Variants in RYR2 observed in about 807,000 individuals in gnomAD.
RYR2 encodes the protein ryanodine receptor 2.
In RYR2, 227 loss-of-function variants were observed where a neutral mutation model predicts 601.1. The ratio of observed to expected loss-of-function variants is 0.38; its 90% confidence interval spans 0.34 to 0.42. RYR2 has a LOEUF of 0.42. Ranked by LOEUF, RYR2 falls within the 10% of genes least tolerant of loss-of-function variation. The probability of loss-of-function intolerance (pLI) is 1.00; values close to 1 mark genes in which losing one functional copy is unlikely to be tolerated. For synonymous variants in RYR2, 2,223 were observed against 2,175.1 expected (o/e 1.02, Z -0.61); for missense variants, 4,646 against 6,156.5 (o/e 0.75, Z 8.21).
At chr1:237,121,301 A>G (rs1169779630) in intron 1 of RYR2, among the ~76,000 whole-genome samples, 1 of 152,158 alleles carries the variant, frequency 6.6e-6, no homozygotes, top group Non-Finnish European at 1.5e-5. Flanking sequence ...GAAAGGAAGA[A>G]AGCAAGTGTT....
At chr1:237,395,788 C>T (rs1468717227) in intron 10 of RYR2, among the ~76,000 whole-genome samples, 2 of 152,064 alleles carry the variant, frequency 1.3e-5, no homozygotes, top group Non-Finnish European at 2.9e-5. Flanking sequence ...ACTCGTGATG[C>T]GCCCTCCTCG....
At chr1:237,156,185 C>G (rs564968975) in intron 1 of RYR2, among the ~76,000 whole-genome samples, 2 of 152,284 alleles carry the variant, frequency 1.3e-5, no homozygotes, top group African/African-American at 4.8e-5. Context: ...CCGTGGGACC[C>G]CACCCAGGTG....
At chr1:237,698,465 G>A (rs1482944436) in intron 63 of RYR2, among the ~76,000 whole-genome samples, 1 of 151,854 alleles carries the variant, frequency 6.6e-6, no homozygotes, top group African/African-American at 2.4e-5. Flanking sequence ...AACATTCAAG[G>A]AAATTAATTT....
chr1:237,270,378 T>C (rs1689558749), intron 1 of RYR2, 119 bp from the exon 2 acceptor site: 1 of 1,407,532 alleles, frequency 7.1e-7, no homozygotes, highest in Admixed American at 2.0e-5. Context: ...TGACAGTAGT[T>C]TTTACATTCG....
intron 12 of RYR2, among the ~76,000 whole-genome samples, chr1:237,439,417 G>T (rs111899591): frequency 6.6e-6 from 1 of 152,260 alleles, no homozygotes; most frequent in African/African-American, 2.4e-5. Context: ...GGCCGAGGTG[G>T]GTGGATCACC....
intron 25 of RYR2, among the ~76,000 whole-genome samples, chr1:237,542,948 C>G (rs1255852949): frequency 6.6e-6 from 1 of 152,188 alleles, no homozygotes; most frequent in African/African-American, 2.4e-5. Context: ...CCTCCTCTGA[C>G]TCTCCCCTCC....
chr1:237,145,446 C>G (rs1413781095), intron 1 of RYR2, among the ~76,000 whole-genome samples: 1 of 152,164 alleles, frequency 6.6e-6, no homozygotes, highest in Non-Finnish European at 1.5e-5. Context: ...GAGGAACATG[C>G]TTCTTTGAAC....
At chr1:237,516,062 TC>T (rs1553481494) in intron 24 of RYR2, among the ~76,000 whole-genome samples, 1 of 151,828 alleles carries the variant, frequency 6.6e-6, no homozygotes, top group Non-Finnish European at 1.5e-5. Context: ...CTCCTCCTCT[TC>T]TTTTTTCTCT....
intron 21 of RYR2, among the ~76,000 whole-genome samples, chr1:237,502,132 T>A (rs1224273286): frequency 1.3e-5 from 2 of 152,132 alleles, no homozygotes; most frequent in African/African-American, 4.8e-5. Context: ...CACCCCTGCC[T>A]GAACAACAGA....
intron 14 of RYR2, among the ~76,000 whole-genome samples, chr1:237,447,395 TTAGA>T (rs1433293333): frequency 6.6e-6 from 1 of 152,222 alleles, no homozygotes; most frequent in Non-Finnish European, 1.5e-5. Flanking sequence ...ACTTTTCTGA[TTAGA>T]TAGAGTACCA....
At chr1:237,249,056 C>T (rs970104473) in intron 1 of RYR2, among the ~76,000 whole-genome samples, 14 of 152,052 alleles carry the variant, frequency 9.2e-5, no homozygotes, top group Non-Finnish European at 8.8e-5. Context: ...TGAGCCATTG[C>T]GCCCGGCCGA....
At chr1:237,732,187 C>T in intron 78 of RYR2, 38 bp downstream of exon 78, 3 of 1,194,804 alleles carry the variant, frequency 2.5e-6, no homozygotes, top group Non-Finnish European at 3.7e-6. Context: ...ATAGGAGGAG[C>T]AAATAAAGAC....
intron 1 of RYR2, among the ~76,000 whole-genome samples, chr1:237,241,810 A>T (rs1686199192): frequency 6.6e-6 from 1 of 152,110 alleles, no homozygotes; most frequent in Non-Finnish European, 1.5e-5. Context: ...GGCCTTTGTA[A>T]ACTGTCATGG....
At chr1:237,187,551 C>A (rs1289237815) in intron 1 of RYR2, among the ~76,000 whole-genome samples, 3 of 149,540 alleles carry the variant, frequency 2.0e-5, no homozygotes, top group Non-Finnish European at 4.4e-5. Flanking sequence ...TCAAGCAATC[C>A]TCCCACCTCA....
intron 32 of RYR2, 113 bp downstream of exon 32, chr1:237,591,966 G>C: frequency 1.2e-6 from 1 of 822,802 alleles, no homozygotes; most frequent in Middle Eastern, 2.4e-4. Flanking sequence ...TAAAATGTCT[G>C]TTTCTGTTTT....
At chr1:237,463,936 T>C (rs1659763304) in intron 16 of RYR2, among the ~76,000 whole-genome samples, 1 of 152,212 alleles carries the variant, frequency 6.6e-6, no homozygotes, top group Non-Finnish European at 1.5e-5. Flanking sequence ...AATTAATACA[T>C]TTTAGATAAG....
rs1406698070 is a variant in RYR2, at chr1:237,269,338, C to T, written c.49-1159C>T. Reference sequence around the variant, plus strand: ...GATTATAGGTGTGAGCCACCGCGCCCGGCCATATAGCATATTCTTTAGGTT... The same window carrying T: ...GATTATAGGTGTGAGCCACCGCGCCTGGCCATATAGCATATTCTTTAGGTT... On this transcript the variant is annotated intron_variant, in intron 1 of 104. Transcript: ENST00000366574. 9.2e-5 allele frequency among the ~76,000 whole-genome samples: 14 copies of T among 151,456 alleles called. 1 individual carries two copies. The highest frequency in any genetic ancestry group is 4.2e-4 in the South Asian group (2 of 4,798).
At chr1:237,720,123 A>G (rs542361814) in intron 73 of RYR2, among the ~76,000 whole-genome samples, 1 of 152,340 alleles carries the variant, frequency 6.6e-6, no homozygotes, top group South Asian at 2.1e-4. Flanking sequence ...CCATTGAATA[A>G]ATTATTCATT....
chr1:237,139,876 C>T (rs955065666), intron 1 of RYR2, among the ~76,000 whole-genome samples: 3 of 152,186 alleles, frequency 2.0e-5, no homozygotes, highest in African/African-American at 7.2e-5. Context: ...GAATCATTGT[C>T]TGGCAGGCAG....
Sources: allele counts gnomAD v4.1 joint callset (sites outside exome capture counted in the v4.1 genomes callset), GRCh38; gene constraint gnomAD v4.1.1; transcripts MANE v1.5; gene names NCBI Gene and HGNC (gene_info 2026-07-23, HGNC 2026-07-21).